SLCO5A1: variants seen among roughly 807,000 people sequenced by gnomAD.
The protein encoded by SLCO5A1 is solute carrier organic anion transporter family member 5A1, also known as organic anion transporter polypeptide-related protein 4.
In SLCO5A1, 39 loss-of-function variants were observed where a neutral mutation model predicts 65.1. The observed-to-expected ratio is 0.60, with a 90% CI of 0.46 to 0.78. The LOEUF is 0.78. Among genes scored for constraint, SLCO5A1 ranks in the 30% least tolerant of loss-of-function variants. The pLI, the probability that SLCO5A1 is intolerant of heterozygous loss-of-function variation, is 0.00. For missense variants in SLCO5A1, 1,029 were observed against 1,069.4 expected (o/e 0.96, Z 0.53); for synonymous variants, 438 against 415.7 (o/e 1.05, Z -0.65).
chr8:69,725,463 GTAT>G (rs1816019971), intron 5 of SLCO5A1, among the ~76,000 whole-genome samples: 4 of 63,756 alleles, frequency 6.3e-5, no homozygotes, highest in Non-Finnish European at 1.3e-4. Context: ...GAATAAAGAT[GTAT>G]GTATGTATGT....
At chr8:69,707,688 C>T (rs1312583090) in intron 5 of SLCO5A1, among the ~76,000 whole-genome samples, 1 of 152,140 alleles carries the variant, frequency 6.6e-6, no homozygotes, top group East Asian at 1.9e-4. Context: ...GTGGTCAAAA[C>T]TCAAGTCAGA....
At chr8:69,715,583 A>G (rs898551475) in intron 5 of SLCO5A1, among the ~76,000 whole-genome samples, 18 of 152,200 alleles carry the variant, frequency 1.2e-4, no homozygotes, top group South Asian at 4.1e-4. Context: ...TTCCCCTAGG[A>G]GAAGTAAGCA....
chr8:69,801,192 C>A (rs1313100068), intron 2 of SLCO5A1, among the ~76,000 whole-genome samples: 2 of 152,180 alleles, frequency 1.3e-5, no homozygotes, highest in Non-Finnish European at 2.9e-5. Flanking sequence ...CAGGTCCCAG[C>A]CACACCTTGA....
intron 8 of SLCO5A1, 79 bp downstream of exon 8, chr8:69,679,299 A>C: frequency 3.2e-6 from 5 of 1,576,324 alleles, no homozygotes; most frequent in Non-Finnish European, 4.3e-6. Flanking sequence ...GATTTACCAC[A>C]TAAGCCCCTT....
chr8:69,772,587 A>T (rs999274896), intron 2 of SLCO5A1, among the ~76,000 whole-genome samples: 1 of 122,968 alleles, frequency 8.1e-6, no homozygotes, highest in African/African-American at 3.2e-5. Context: ...AGGAAAGGAA[A>T]GGAAAGGAAA....
chr8:69,800,245 ATTTT>A (rs749384852), intron 2 of SLCO5A1, among the ~76,000 whole-genome samples: 152 of 81,294 alleles, frequency 1.9e-3, no homozygotes, highest in African/African-American at 7.0e-3. Flanking sequence ...AGACGCTTGA[ATTTT>A]TTTTTTTTTT....
At chr8:69,761,468 A>T (rs1817771864) in intron 3 of SLCO5A1, 1 of 340,882 alleles carries the variant, frequency 2.9e-6, no homozygotes, top group African/African-American at 2.2e-5. Flanking sequence ...CTTTCCTTTG[A>T]TTACACTGGG....
chr8:69,802,660 A>G (rs1442630584), intron 2 of SLCO5A1, among the ~76,000 whole-genome samples: 1 of 152,116 alleles, frequency 6.6e-6, no homozygotes, highest in Non-Finnish European at 1.5e-5. Context: ...AACTCCCAGT[A>G]AGACCAGCCT....
intron 6 of SLCO5A1, among the ~76,000 whole-genome samples, chr8:69,690,291 A>G (rs6472474): frequency 3.3e-5 from 5 of 149,640 alleles, no homozygotes; most frequent in Admixed American, 2.7e-4. Flanking sequence ...AGTTACTCCC[A>G]CCATTTACCT....
rs568108672 is a variant in SLCO5A1 at position 69,799,674 on chromosome 8, G to A, written c.907+32093C>T. 1.4e-4 allele frequency among the ~76,000 whole-genome samples: 21 copies of A among 152,324 alleles called. No individual in the cohort carries two copies. The South Asian group carries it at 4.4e-3, about 32-fold the overall frequency. ...GAAACTTACAATCATGGCAGAAGGG[G>A]AAGCAAAAACGTCCTTCTTCACATG... is the stretch of plus-strand genomic sequence containing the variant. On this transcript the variant is annotated intron_variant, in intron 2 of 9. Coordinates refer to ENST00000260126, the MANE Select transcript of SLCO5A1 (RefSeq NM_030958.3).
intron 7 of SLCO5A1, among the ~76,000 whole-genome samples, chr8:69,681,812 A>G (rs1031594087): frequency 1.3e-4 from 20 of 152,028 alleles, no homozygotes; most frequent in African/African-American, 4.1e-4. Context: ...GTGCTTTCCT[A>G]TACTTTTTTA....
chr8:69,676,085 T>C (rs1248404487), intron 9 of SLCO5A1, among the ~76,000 whole-genome samples: 2 of 152,208 alleles, frequency 1.3e-5, no homozygotes, highest in Non-Finnish European at 2.9e-5. Flanking sequence ...TGTTGATAAG[T>C]AAATACTTAC....
At chr8:69,726,514 T>TA (rs146065041) in intron 5 of SLCO5A1, among the ~76,000 whole-genome samples, 1 of 137,382 alleles carries the variant, frequency 7.3e-6, no homozygotes, top group Admixed American at 7.2e-5. Flanking sequence ...TTTTTTTTTT[T>TA]GGGGGGACAG....
At chr8:69,724,227 A>T (rs1189254464) in intron 5 of SLCO5A1, among the ~76,000 whole-genome samples, 12 of 152,186 alleles carry the variant, frequency 7.9e-5, no homozygotes, top group African/African-American at 2.4e-4. Flanking sequence ...ATTTCAAACA[A>T]ATTTAAGGAA....
At chr8:69,775,642 C>T (rs964211889) in intron 2 of SLCO5A1, among the ~76,000 whole-genome samples, 1 of 151,998 alleles carries the variant, frequency 6.6e-6, no homozygotes, top group Non-Finnish European at 1.5e-5. Context: ...CCCCTTAGAA[C>T]ACAAACAGAA....
intron 2 of SLCO5A1, among the ~76,000 whole-genome samples, chr8:69,812,162 C>G (rs556511208): frequency 1.3e-5 from 2 of 152,146 alleles, no homozygotes; most frequent in Non-Finnish European, 2.9e-5. Flanking sequence ...GTTAAAGAAA[C>G]CCTAAAACTA....
At chr8:69,752,111 G>A (rs144033287) in intron 4 of SLCO5A1, among the ~76,000 whole-genome samples, 52 of 152,164 alleles carry the variant, frequency 3.4e-4, no homozygotes, top group African/African-American at 1.3e-3. Context: ...CAGGCCTGTA[G>A]CCCCAGCTAC....
At chr8:69,716,676 T>A (rs117099736) in intron 5 of SLCO5A1, among the ~76,000 whole-genome samples, 109 of 152,342 alleles carry the variant, frequency 7.2e-4, no homozygotes, top group Non-Finnish European at 1.4e-3. Flanking sequence ...CTTATTTTTC[T>A]TTTTATTATT....
chr8:69,728,211 A>G (rs1300440904), intron 5 of SLCO5A1, among the ~76,000 whole-genome samples: 1 of 152,184 alleles, frequency 6.6e-6, no homozygotes, highest in Non-Finnish European at 1.5e-5. Flanking sequence ...TGTATATATT[A>G]TATATATTGC....
Sources: allele counts gnomAD v4.1 joint callset (sites outside exome capture counted in the v4.1 genomes callset), GRCh38; gene constraint gnomAD v4.1.1; transcripts MANE v1.5; gene names NCBI Gene and HGNC (gene_info 2026-07-23, HGNC 2026-07-21).